The following NCDN variants were observed in gnomAD, a reference collection of about 807,000 sequenced individuals.
NCDN encodes the protein norbin.
NCDN carries 9 observed loss-of-function variants against 60.7 expected under a neutral mutation model. The observed-to-expected ratio is 0.15, with a 90% CI of 0.09 to 0.26. The LOEUF (loss-of-function observed/expected upper bound fraction) is 0.26. NCDN is among the 10% of genes least tolerant of loss of function. The pLI is 1.00. For missense variants in NCDN, 578 were observed against 975.2 expected (o/e 0.59, Z 5.42); for synonymous variants, 409 against 442.5 (o/e 0.92, Z 0.95).
chr1:35,558,450 T>A lies in NCDN; in HGVS notation c.33+227T>A. On this transcript the variant is annotated intron_variant, in intron 1 of 6. Transcript: ENST00000373243. The surrounding 1 kb of genome is among the most constrained non-coding windows in gnomAD (Gnocchi z 6.3). ...CTGCCGCCGCCGCTGCTGCTGCTGC[T>A]GCAGCCTCTACCCGAGGGAGGGAAA... 15 of 1,418,868 alleles carry A rather than the reference T, an allele frequency of 1.1e-5. No homozygotes were observed. Among genetic ancestry groups the A allele is most frequent in the Admixed American group, 5.6e-5 (2 of 35,860 alleles). The allele number at this position is 1,418,868 out of a possible 1,614,324, so 87.9% of individuals were successfully genotyped here.
chr1:35,562,774 G>A lies in NCDN; in HGVS notation c.1385+141G>A. 1 of 1,274,756 alleles carries A rather than the reference G, an allele frequency of 7.8e-7. No individual in the cohort carries two copies. Among genetic ancestry groups the A allele is most frequent in the Non-Finnish European group, 1.0e-6 (1 of 953,680 alleles). 79.0% of individuals were successfully genotyped at this position (1,274,756 alleles called of 1,614,324 possible). ...ATCCCTTAGGGTTATTTCTGTTTTG[G>A]GGGGCTTGTTCCCACAGGACTCCTC... On this transcript the variant is annotated intron_variant, in intron 4 of 6. Transcript: ENST00000373243. This position sits in a 1 kb window ranked among gnomAD's most constrained non-coding sequence, Gnocchi z 6.8.
chr1:35,565,142 T>C lies in NCDN; in HGVS notation c.1754-85T>C. ...TCCAGGCTGTGCCCTGGCTCCTGCA[T>C]GTGTCTACACAGAGGACTAGGGAAG... is the stretch of plus-strand genomic sequence containing the variant. On this transcript the variant is annotated intron_variant, in intron 6 of 6. Coordinates refer to ENST00000373243, the MANE Select transcript of NCDN (RefSeq NM_014284.3). This position sits in a 1 kb window ranked among gnomAD's most constrained non-coding sequence, Gnocchi z 8.9. 1 of 1,354,938 alleles carries C rather than the reference T, an allele frequency of 7.4e-7. No individual in the cohort carries two copies. Among genetic ancestry groups the C allele is most frequent in the Non-Finnish European group, 1.0e-6 (1 of 990,634 alleles). 83.9% of individuals were successfully genotyped at this position (1,354,938 alleles called of 1,614,324 possible). A position where few individuals can be genotyped will look rare whatever the true frequency, so the allele number is the denominator to read the frequency against.
At position 35,560,309 on chromosome 1, in the gene NCDN, G is replaced by T; in HGVS notation, c.175-17G>T. The stretch of plus-strand genomic sequence containing the variant: ...ACTTCTTCCTTTCATCCTGATGATA[G>T]CACATACCCCCTATAGGTGACCAAG... On this transcript the variant is annotated splice_polypyrimidine_tract_variant and intron_variant, in intron 2 of 6. Coordinates refer to ENST00000373243, the MANE Select transcript of NCDN (RefSeq NM_014284.3). The surrounding 1 kb of genome is among the most constrained non-coding windows in gnomAD (Gnocchi z 7.6). The T allele has an allele frequency of 6.2e-7, 1 of 1,607,046 alleles. No individual in the cohort carries two copies.
rs56974171 is a variant in NCDN at position 35,566,629 on chromosome 1, CCACACACACACACACACACACACACA to C, written c.*992_*1017del. The C allele has an allele frequency of 2.1e-4, 58 of 270,444 alleles. No homozygotes were observed. In the East Asian group the frequency reaches 2.2e-3, roughly 10 times the overall value. The allele number at this position is 270,444 out of a possible 1,614,324, so 16.8% of individuals were successfully genotyped here. On this transcript the variant is annotated 3_prime_UTR_variant, in exon 7 of 7. Transcript: ENST00000373243. The surrounding 1 kb of genome is among the most constrained non-coding windows in gnomAD (Gnocchi z 5.3). ...TACCTTTCTTATAAACCCAGGGGGA[CCACACACACACACACACACACACACA>C]CACACACACACACACACACACACAC...
Position 35,561,330 on chromosome 1 carries a change from TG to T in NCDN, c.1143+42del. 6.5e-7 allele frequency: 1 copy of T among 1,538,502 alleles called. No individual in the cohort carries two copies. Among genetic ancestry groups the T allele is most frequent in the South Asian group, 1.2e-5 (1 of 81,398 alleles). The stretch of plus-strand genomic sequence containing the variant: ...AGTGACCCACAGAGGGGGCCCAGTA[TG>T]GGGGGAGCCAGTGCTGGAGCTGGGA... On this transcript the variant is annotated intron_variant, in intron 3 of 6. Coordinates refer to ENST00000373243, the MANE Select transcript of NCDN (RefSeq NM_014284.3). The surrounding 1 kb of genome is among the most constrained non-coding windows in gnomAD (Gnocchi z 4.9).
rs1648529346 is a variant in NCDN, at chr1:35,558,717, C to G, written c.34-390C>G. The G allele has an allele frequency of 8.7e-7, 1 of 1,148,978 alleles. No homozygotes were observed. Among genetic ancestry groups the G allele is most frequent in the African/African-American group, 1.6e-5 (1 of 63,762 alleles). The allele number at this position is 1,148,978 out of a possible 1,614,324, so 71.2% of individuals were successfully genotyped here. A position where few individuals can be genotyped will look rare whatever the true frequency, so the allele number is the denominator to read the frequency against. On this transcript the variant is annotated intron_variant, in intron 1 of 6. Coordinates refer to ENST00000373243, the MANE Select transcript of NCDN (RefSeq NM_014284.3). The surrounding 1 kb of genome is among the most constrained non-coding windows in gnomAD (Gnocchi z 6.3). ...CTCCATTTCTCCCTGTCTGTCCTCA[C>G]CACTCACTCCCTCTGTGTCCCTGTG...
In NCDN at chr1:35,560,478, C is replaced by T. The variant is rs748518361; in HGVS notation, c.327C>T (p.Ala109=). The T allele has an allele frequency of 3.2e-5, 51 of 1,614,042 alleles. No individual in the cohort carries two copies. Among genetic ancestry groups the T allele is most frequent in the Non-Finnish European group, 4.2e-5 (49 of 1,180,058 alleles). ...ATGTTCTGCGGGCTTTGGGTGTGGC[C>T]CTGCTGGCCTGCTTCTGCAGTGACC... ...PDHVLRALGV[A]LLACFCSDPE... Residue 109 remains alanine, a synonymous_variant, in exon 3 of 7, where the codon GCC becomes GCT. Transcript: ENST00000373243. This position sits in a 1 kb window ranked among gnomAD's most constrained non-coding sequence, Gnocchi z 7.6.
At position 35,565,330 on chromosome 1, in the gene NCDN, G is replaced by C; in HGVS notation, c.1857G>C (p.Val619=). Residue 619 remains valine (V), a synonymous_variant, in exon 7 of 7, where the codon GTG becomes GTC. Transcript: ENST00000373243. This position sits in a 1 kb window ranked among gnomAD's most constrained non-coding sequence, Gnocchi z 8.9. ...CCACCCCGGGCTCAGACCAGGCAGT[G>C]CTAGCCCTGTCCCCTGAGTATGAGG... ...ARATPGSDQA[V]LALSPEYEGI... 1 of 1,614,104 alleles carries C rather than the reference G, an allele frequency of 6.2e-7. No individual in the cohort carries two copies. The highest frequency in any genetic ancestry group is 8.5e-7 in the Non-Finnish European group (1 of 1,179,954).
Position 35,563,043 on chromosome 1 carries a change from G to A in NCDN, c.1386-159G>A, listed in dbSNP as rs1204121033. Reference sequence around the variant, plus strand: ...TGGCAGAGCCCAAGTTTGGTCCTGGGTTGTGCGACTCTGAAGCTTGTACTT... The same window carrying A: ...TGGCAGAGCCCAAGTTTGGTCCTGGATTGTGCGACTCTGAAGCTTGTACTT... On this transcript the variant is annotated intron_variant, in intron 4 of 6. Coordinates refer to ENST00000373243, the MANE Select transcript of NCDN (RefSeq NM_014284.3). This position sits in a 1 kb window ranked among gnomAD's most constrained non-coding sequence, Gnocchi z 6.6. Among the ~76,000 whole-genome samples the A allele has an allele frequency of 1.3e-5, 2 of 152,206 alleles. No homozygotes were observed. Among genetic ancestry groups the A allele is most frequent in the African/African-American group, 4.8e-5 (2 of 41,454 alleles).
In NCDN at chr1:35,561,021, C is replaced by T. The variant is rs751036326; in HGVS notation, c.870C>T (p.His290=). The T allele has an allele frequency of 2.9e-5, 47 of 1,612,864 alleles. No homozygotes were observed. Among genetic ancestry groups the T allele is most frequent in the South Asian group, 5.5e-5 (5 of 91,048 alleles). Residue 290 remains histidine, a synonymous_variant, in exon 3 of 7, where the codon CAC becomes CAT. Transcript: ENST00000373243. This position sits in a 1 kb window ranked among gnomAD's most constrained non-coding sequence, Gnocchi z 4.9. ...TGAAGCTGGCAGCCCGCCTGGCACA[C>T]GCCTGCGGCTCCGACTGGATCCCGG... ...PALKLAARLA[H]ACGSDWIPAG...
Position 35,563,213 on chromosome 1 carries a change from C to T in NCDN, c.1397C>T (p.Pro466Leu). ...TTCCACATCCCCAGGCTCCTCCTGC[C>T]TGGCTGGTGCCACCTGACCGTTGAA... The part of the protein sequence containing the change: ...WPGDALRLLL[P>L]GWCHLTVEDG... The change falls in exon 5 of 7, where the codon CCT (proline) becomes CTT (leucine). Residue 466 changes from proline to leucine, a missense_variant. Transcript: ENST00000373243. The surrounding 1 kb of genome is among the most constrained non-coding windows in gnomAD (Gnocchi z 6.6). 3 of 1,612,904 alleles carry T rather than the reference C, an allele frequency of 1.9e-6. No homozygotes were observed. Among genetic ancestry groups the T allele is most frequent in the Non-Finnish European group, 2.5e-6 (3 of 1,179,002 alleles).
chr1:35,562,412 G>A lies in NCDN; in HGVS notation c.1164G>A (p.Lys388=). 1 of 1,614,152 alleles carries A rather than the reference G, an allele frequency of 6.2e-7. No individual in the cohort carries two copies. The highest frequency in any genetic ancestry group is 8.5e-7 in the Non-Finnish European group (1 of 1,180,008). ...YLLQVGSEKQ[K]EPFVFASVRI... The stretch of plus-strand genomic sequence containing the variant: ...AACAGGTGGGGTCAGAGAAGCAGAA[G>A]GAGCCCTTTGTGTTTGCCTCGGTGC... Residue 388 remains lysine, a synonymous_variant, in exon 4 of 7, where the codon AAG becomes AAA. Coordinates refer to ENST00000373243, the MANE Select transcript of NCDN (RefSeq NM_014284.3). The surrounding 1 kb of genome is among the most constrained non-coding windows in gnomAD (Gnocchi z 6.8).
Position 35,565,705 on chromosome 1 carries a change from G to A in NCDN, c.*42G>A, listed in dbSNP as rs1259190412. 5.3e-6 allele frequency: 8 copies of A among 1,500,830 alleles called. No individual in the cohort carries two copies. The highest frequency in any genetic ancestry group is 7.1e-6 in the Non-Finnish European group (8 of 1,125,090). 93.0% of individuals were successfully genotyped at this position (1,500,830 alleles called of 1,614,324 possible). Reference sequence around the variant, plus strand: ...ACAGACCCAGGGGCGGGCAGAGAGGGAAGGAGGGAGGAGGCATCTTCCCTG... The same window carrying A: ...ACAGACCCAGGGGCGGGCAGAGAGGAAAGGAGGGAGGAGGCATCTTCCCTG... On this transcript the variant is annotated 3_prime_UTR_variant, in exon 7 of 7. Coordinates refer to ENST00000373243, the MANE Select transcript of NCDN (RefSeq NM_014284.3). This position sits in a 1 kb window ranked among gnomAD's most constrained non-coding sequence, Gnocchi z 8.9.
rs1648739522 is a variant in NCDN at position 35,562,624 on chromosome 1, A to C, written c.1376A>C (p.Asp459Ala). The C allele has an allele frequency of 6.2e-7, 1 of 1,612,806 alleles. No individual in the cohort carries two copies. The highest frequency in any genetic ancestry group is 1.1e-5 in the South Asian group (1 of 90,928). The change falls in exon 4 of 7, where the codon GAC becomes GCC. Residue 459 changes from aspartate (D) to alanine (A), a missense_variant. Physicochemically the swap from Asp to Ala is moderately radical, Grantham distance 126. Transcript: ENST00000373243. This position sits in a 1 kb window ranked among gnomAD's most constrained non-coding sequence, Gnocchi z 6.8. Reference sequence around the variant, plus strand: ...ACCCCAGGGCCCACCTGGCCAGGAGACGCTCTCCGGTGAGTCTGTAGTTAC... The same window carrying C: ...ACCCCAGGGCCCACCTGGCCAGGAGCCGCTCTCCGGTGAGTCTGTAGTTAC... The part of the protein sequence containing the change: ...PTTPGPTWPG[D>A]ALRLLLPGWC...
At position 35,565,780 on chromosome 1, in the gene NCDN, C is replaced by A; in HGVS notation, c.*117C>A. 8.5e-7 allele frequency: 1 copy of A among 1,175,218 alleles called. No individual in the cohort carries two copies. 72.8% of individuals were successfully genotyped at this position (1,175,218 alleles called of 1,614,324 possible). A position where few individuals can be genotyped will look rare whatever the true frequency, so the allele number is the denominator to read the frequency against. ...CCCCAGACTTCCTCCCCAAAACACCCCAGCTTTCTGGCTTTTCTGAGGGCA... is the reference window on the plus strand; with the variant it reads ...CCCCAGACTTCCTCCCCAAAACACCACAGCTTTCTGGCTTTTCTGAGGGCA... On this transcript the variant is annotated 3_prime_UTR_variant, in exon 7 of 7. Transcript: ENST00000373243. This position sits in a 1 kb window ranked among gnomAD's most constrained non-coding sequence, Gnocchi z 8.9.
In NCDN at chr1:35,561,580, C is replaced by G. The variant is rs544976948; in HGVS notation, c.1143+286C>G. Reference sequence around the variant, plus strand: ...TCCCACTCAAACGCTCCCCCCAATACACACACACTACACGCCACACACCTC... The same window carrying G: ...TCCCACTCAAACGCTCCCCCCAATAGACACACACTACACGCCACACACCTC... On this transcript the variant is annotated intron_variant, in intron 3 of 6. Coordinates refer to ENST00000373243, the MANE Select transcript of NCDN (RefSeq NM_014284.3). This position sits in a 1 kb window ranked among gnomAD's most constrained non-coding sequence, Gnocchi z 4.9. Among the ~76,000 whole-genome samples the G allele has an allele frequency of 1.3e-5, 2 of 152,228 alleles. No individual in the cohort carries two copies. Among genetic ancestry groups the G allele is most frequent in the Non-Finnish European group, 2.9e-5 (2 of 68,008 alleles).
chr1:35,563,628 C>A lies in NCDN; in HGVS notation c.1611-139C>A. 1 of 1,138,796 alleles carries A rather than the reference C, an allele frequency of 8.8e-7. No homozygotes were observed. Among genetic ancestry groups the A allele is most frequent in the Non-Finnish European group, 1.3e-6 (1 of 791,572 alleles). The allele number at this position is 1,138,796 out of a possible 1,614,324, so 70.5% of individuals were successfully genotyped here. ...CCCAGGTACTGTCTCAGCATGTCTG[C>A]TTGTTCCAATCTCTGCCCCCCAGAT... On this transcript the variant is annotated intron_variant, in intron 5 of 6. Transcript: ENST00000373243. This position sits in a 1 kb window ranked among gnomAD's most constrained non-coding sequence, Gnocchi z 6.6.
Position 35,563,516 on chromosome 1 carries a change from C to A in NCDN, c.1610+90C>A. ...CAATTCTCAGTCTCCTACTTTGCCC[C>A]CCATGCCCATGGATTTGTTAGTGGT... On this transcript the variant is annotated intron_variant, in intron 5 of 6. Transcript: ENST00000373243. This position sits in a 1 kb window ranked among gnomAD's most constrained non-coding sequence, Gnocchi z 6.6. The A allele has an allele frequency of 7.1e-7, 1 of 1,399,870 alleles. No individual in the cohort carries two copies. Among genetic ancestry groups the A allele is most frequent in the Non-Finnish European group, 9.9e-7 (1 of 1,014,342 alleles). The allele number at this position is 1,399,870 out of a possible 1,614,324, so 86.7% of individuals were successfully genotyped here. A position where few individuals can be genotyped will look rare whatever the true frequency, so the allele number is the denominator to read the frequency against.
chr1:35,564,058 A>C, intron 6 of NCDN, 149 bp downstream of exon 6: 2 of 985,372 alleles, frequency 2.0e-6, no homozygotes, highest in Non-Finnish European at 2.9e-6. Flanking sequence ...TCCATCCCCT[A>C]CCCCCACCGT....
Sources: allele counts gnomAD v4.1 joint callset (sites outside exome capture counted in the v4.1 genomes callset), GRCh38; gene constraint gnomAD v4.1.1; non-coding constraint Gnocchi (gnomAD v3.1); transcripts MANE v1.5; gene names NCBI Gene and HGNC (gene_info 2026-07-23, HGNC 2026-07-21).